Variants in EXOC4 observed in about 807,000 individuals in gnomAD.
EXOC4 encodes SEC8-like 1.
Under a neutral mutation model 107.2 loss-of-function variants are expected in EXOC4, and 71 were observed. That is an observed-to-expected ratio of 0.66 (90% confidence interval 0.55 to 0.81). EXOC4 has a LOEUF of 0.81. EXOC4 is among the 30% of genes least tolerant of loss of function. The probability of loss-of-function intolerance (pLI) is 0.00; values close to 1 mark genes in which losing one functional copy is unlikely to be tolerated. For missense variants in EXOC4, 1,108 were observed against 1,189.6 expected, an observed-to-expected ratio of 0.93 and a Z score of 1.01; for synonymous variants, 456 against 441.2, an observed-to-expected ratio of 1.03 and a Z score of -0.42.
intron 9 of EXOC4, among the ~76,000 whole-genome samples, chr7:133,503,014 A>G (rs1799602651): frequency 6.6e-6 from 1 of 152,096 alleles, no homozygotes; most frequent in Admixed American, 6.6e-5. Flanking sequence ...CCTATCTATA[A>G]ATAGTGTAAG....
chr7:133,817,934 C>T (rs752567099), intron 11 of EXOC4, among the ~76,000 whole-genome samples: 1 of 152,170 alleles, frequency 6.6e-6, no homozygotes, highest in Non-Finnish European at 1.5e-5. Flanking sequence ...GCAGGAAACC[C>T]TCTATACCTT....
chr7:133,358,909 C>T (rs532136730), intron 6 of EXOC4, among the ~76,000 whole-genome samples: 2 of 152,198 alleles, frequency 1.3e-5, no homozygotes, highest in East Asian at 3.9e-4. Flanking sequence ...AGGAATGAGT[C>T]AGCAGCAGGA....
At chr7:133,361,045 C>T (rs533209440) in intron 6 of EXOC4, among the ~76,000 whole-genome samples, 2 of 152,134 alleles carry the variant, frequency 1.3e-5, no homozygotes, top group Non-Finnish European at 1.5e-5. Flanking sequence ...GCACAGTGCC[C>T]ACCTGACCCA....
At chr7:133,880,518 C>T (rs542955156) in intron 11 of EXOC4, among the ~76,000 whole-genome samples, 1 of 152,260 alleles carries the variant, frequency 6.6e-6, no homozygotes, top group East Asian at 1.9e-4. Context: ...GAGGTATTGA[C>T]AACTTAGCCG....
intron 10 of EXOC4, among the ~76,000 whole-genome samples, chr7:133,692,454 C>T (rs923893762): frequency 9.2e-5 from 14 of 152,304 alleles, no homozygotes; most frequent in African/African-American, 3.1e-4. Flanking sequence ...ACACCACCTC[C>T]TGCCCTGGGA....
At chr7:133,529,811 A>G (rs1001352830) in intron 9 of EXOC4, among the ~76,000 whole-genome samples, 2 of 152,212 alleles carry the variant, frequency 1.3e-5, no homozygotes, top group Non-Finnish European at 2.9e-5. Flanking sequence ...TCAGATTTAT[A>G]TCTAGGTCAT....
intron 6 of EXOC4, among the ~76,000 whole-genome samples, chr7:133,360,621 G>T (rs1312101466): frequency 6.6e-6 from 1 of 152,226 alleles, no homozygotes; most frequent in East Asian, 1.9e-4. Flanking sequence ...TTTTGGGCTT[G>T]TTGTAATATT....
intron 10 of EXOC4, among the ~76,000 whole-genome samples, chr7:133,695,736 A>G (rs1389041810): frequency 6.6e-6 from 1 of 152,218 alleles, no homozygotes; most frequent in African/African-American, 2.4e-5. Flanking sequence ...CACCTTTTCT[A>G]GTCCATTATC....
intron 10 of EXOC4, among the ~76,000 whole-genome samples, chr7:133,747,115 G>A (rs946522403): frequency 1.2e-4 from 19 of 152,082 alleles, no homozygotes; most frequent in African/African-American, 4.6e-4. Context: ...TGAATCTTTG[G>A]TTGAAGTGAC....
At chr7:133,905,094 T>A (rs538175070) in intron 12 of EXOC4, among the ~76,000 whole-genome samples, 69 of 152,178 alleles carry the variant, frequency 4.5e-4, no homozygotes, top group Non-Finnish European at 7.6e-4. Flanking sequence ...CAGGAAGACG[T>A]TGCACTCTGA....
intron 10 of EXOC4, among the ~76,000 whole-genome samples, chr7:133,761,704 G>A (rs1176328282): frequency 6.6e-6 from 1 of 152,188 alleles, no homozygotes; most frequent in African/African-American, 2.4e-5. Flanking sequence ...TCAATGTGCG[G>A]TCAAGTTGTT....
chr7:133,766,251 A>G (rs897850889), intron 10 of EXOC4, among the ~76,000 whole-genome samples: 2 of 152,012 alleles, frequency 1.3e-5, no homozygotes, highest in Non-Finnish European at 2.9e-5. Flanking sequence ...GGCAAGACAT[A>G]TTACAATTAC....
chr7:133,787,696 C>G (rs896563211), intron 10 of EXOC4, among the ~76,000 whole-genome samples: 1 of 151,222 alleles, frequency 6.6e-6, no homozygotes, highest in African/African-American at 2.4e-5. Context: ...AGGGAGAGAG[C>G]AAGAGCAAGT....
At chr7:134,089,860 G>T in the EXOC4 span, among the ~76,000 whole-genome samples, 32 of 152,016 alleles carry the variant, frequency 2.1e-4, no homozygotes, top group African/African-American at 7.7e-4. Context: ...ATGTCCCCAG[G>T]CCTTATCTAG....
At position 134,065,585 on chromosome 7, in the gene EXOC4, A is replaced by G. The variant is rs1217416928; in HGVS notation, c.*1057A>G. 3.3e-5 allele frequency: 5 copies of G among 152,290 alleles called. No individual in the cohort carries two copies. Among genetic ancestry groups the G allele is most frequent in the Admixed American group, 6.5e-5 (1 of 15,274 alleles). 9.4% of individuals were successfully genotyped at this position (152,290 alleles called of 1,614,324 possible). ...GGTTCATAGGTCATAGAAGGCAGCAATGCACTGACTGGGCCACATCTTGAA... is the reference window on the plus strand; with the variant it reads ...GGTTCATAGGTCATAGAAGGCAGCAGTGCACTGACTGGGCCACATCTTGAA... On this transcript the variant is annotated 3_prime_UTR_variant, in exon 18 of 18. Transcript: ENST00000253861.
At chr7:134,074,207 C>T in the EXOC4 span, among the ~76,000 whole-genome samples, 2 of 152,206 alleles carry the variant, frequency 1.3e-5, no homozygotes, top group African/African-American at 2.4e-5. Flanking sequence ...TCTTTCCTTT[C>T]TGCCACTGGG....
intron 9 of EXOC4, chr7:133,481,052 A>G (rs1308348306): frequency 2.4e-5 from 2 of 84,944 alleles, no homozygotes; most frequent in Non-Finnish European, 5.2e-5. Context: ...CATGTCTCAA[A>G]AAAAGAAAAA....
chr7:133,445,387 G>C (rs1798195149), intron 7 of EXOC4, among the ~76,000 whole-genome samples: 1 of 152,158 alleles, frequency 6.6e-6, no homozygotes, highest in Non-Finnish European at 1.5e-5. Context: ...CTTTGCAGTT[G>C]TGTAGGGTAG....
chr7:133,487,711 A>AAAAC (rs377305335), intron 9 of EXOC4, among the ~76,000 whole-genome samples: 3 of 152,174 alleles, frequency 2.0e-5, no homozygotes, highest in Non-Finnish European at 4.4e-5. Flanking sequence ...TCCATCTCAA[A>AAAAC]AAACAAACAA....
Sources: allele counts gnomAD v4.1 joint callset (sites outside exome capture counted in the v4.1 genomes callset), GRCh38; gene constraint gnomAD v4.1.1; transcripts MANE v1.5; gene names NCBI Gene and HGNC (gene_info 2026-07-23, HGNC 2026-07-21).